The following SRGAP3 variants were observed in gnomAD, a reference collection of about 807,000 sequenced individuals.
SRGAP3 encodes the protein SLIT-ROBO Rho GTPase activating protein 3.
A neutral mutation model predicts 121.1 loss-of-function variants in SRGAP3; 39 were observed. That is an observed-to-expected ratio of 0.32 (90% CI 0.25 to 0.42). SRGAP3 has a LOEUF of 0.42. Among genes scored for constraint, SRGAP3 ranks in the 10% least tolerant of loss-of-function variants. SRGAP3 has a pLI of 1.00. For missense variants in SRGAP3, 1,213 were observed against 1,470.6 expected (o/e 0.82, Z 2.86); for synonymous variants, 601 against 570.0 (o/e 1.05, Z -0.77).
At chr3:9,299,600 T>C (rs1955014188) in intron 3 of SRGAP3, among the ~76,000 whole-genome samples, 1 of 152,090 alleles carries the variant, frequency 6.6e-6, no homozygotes, top group Non-Finnish European at 1.5e-5. Flanking sequence ...ACTGATCATG[T>C]TGCTGCTCTA....
rs534216844 is a variant in SRGAP3, at chr3:9,361,375, A to T, written n.214+1465T>A. ...CACCTCAGCCTCCCAAAGCGCTGGG[A>T]CTACAGGCATGAACCACCACTCCCA... On this transcript the variant is annotated intron_variant and non_coding_transcript_variant, in intron 1 of 3. Transcript: ENST00000490889. Among the ~76,000 whole-genome samples the T allele has an allele frequency of 5.9e-5, 9 of 152,330 alleles. No homozygotes were observed. In the South Asian group the frequency reaches 1.9e-3, roughly 32 times the overall value.
chr3:9,267,665 C>T (rs374920693), intron 3 of SRGAP3, among the ~76,000 whole-genome samples: 20 of 152,296 alleles, frequency 1.3e-4, no homozygotes, highest in South Asian at 6.2e-4. Flanking sequence ...CTGCCAGTCA[C>T]GTAGTCTCAG....
At chr3:9,210,152 A>AGAATC (rs1323973975) in intron 1 of SRGAP3, among the ~76,000 whole-genome samples, 1 of 152,248 alleles carries the variant, frequency 6.6e-6, no homozygotes, top group Non-Finnish European at 1.5e-5. Context: ...GATAAGGATG[A>AGAATC]GAACACGGAG....
intron 1 of SRGAP3, among the ~76,000 whole-genome samples, chr3:9,333,657 T>C (rs1042725190): frequency 3.9e-5 from 6 of 152,174 alleles, no homozygotes; most frequent in African/African-American, 1.4e-4. Context: ...TTCTCAAAGA[T>C]TTCTCTCTTT....
intron 1 of SRGAP3, chr3:9,337,545 A>G (rs1195994409): frequency 2.0e-5 from 3 of 152,206 alleles, no homozygotes; most frequent in Non-Finnish European, 4.4e-5. Flanking sequence ...ATAAAAAAGG[A>G]TAAGTTTGGC....
intron 1 of SRGAP3, among the ~76,000 whole-genome samples, chr3:9,342,623 T>C (rs1394745961): frequency 6.6e-6 from 1 of 152,234 alleles, no homozygotes; most frequent in Non-Finnish European, 1.5e-5. Flanking sequence ...GTGGGCCTGA[T>C]GCCAGTGAAG....
At chr3:9,208,649 C>T (rs1489501681) in intron 1 of SRGAP3, among the ~76,000 whole-genome samples, 1 of 152,144 alleles carries the variant, frequency 6.6e-6, no homozygotes, top group Non-Finnish European at 1.5e-5. Flanking sequence ...TTTTCTAAAG[C>T]CCTGTTGAAA....
rs1953922699 is a variant in SRGAP3, at chr3:9,248,980, G to T, written c.-29C>A. The T allele has an allele frequency of 6.2e-7, 1 of 1,607,960 alleles. No homozygotes were observed. The highest frequency in any genetic ancestry group is 8.5e-7 in the Non-Finnish European group (1 of 1,174,416). On this transcript the variant is annotated 5_prime_UTR_variant, in exon 1 of 22. Coordinates refer to ENST00000383836, the MANE Select transcript of SRGAP3 (RefSeq NM_014850.4). The stretch of plus-strand genomic sequence containing the variant: ...CTGACGTGGCCAAAGGAACTGACAG[G>T]CTGTTTGATTTATTTCTCCTTTTCT...
At chr3:9,286,022 A>C (rs1442686645) in intron 3 of SRGAP3, among the ~76,000 whole-genome samples, 1 of 151,734 alleles carries the variant, frequency 6.6e-6, no homozygotes, top group East Asian at 1.9e-4. Flanking sequence ...TGAAGTGAGT[A>C]GACTGCCTGA....
chr3:9,096,479 T>C (rs1575067837), intron 3 of SRGAP3, among the ~76,000 whole-genome samples: 1 of 152,334 alleles, frequency 6.6e-6, no homozygotes, highest in African/African-American at 2.4e-5. Context: ...TGAACTCTCT[T>C]CAGCAGCAAG....
At chr3:9,318,351 G>A (rs1005177413) in intron 3 of SRGAP3, among the ~76,000 whole-genome samples, 1 of 151,730 alleles carries the variant, frequency 6.6e-6, no homozygotes, top group African/African-American at 2.4e-5. Flanking sequence ...GCTCCACAGG[G>A]CTCCACACAG....
chr3:9,270,307 T>C (rs140017114), intron 3 of SRGAP3, among the ~76,000 whole-genome samples: 7 of 152,296 alleles, frequency 4.6e-5, no homozygotes, highest in Non-Finnish European at 7.3e-5. Flanking sequence ...TCTTTACATA[T>C]ATGTGTATCA....
intron 3 of SRGAP3, among the ~76,000 whole-genome samples, chr3:9,098,256 C>T (rs187238417): frequency 1.3e-5 from 2 of 152,232 alleles, no homozygotes; most frequent in Non-Finnish European, 2.9e-5. Flanking sequence ...GTGTCTGAGT[C>T]GTTTATCTAA....
intron 12 of SRGAP3, among the ~76,000 whole-genome samples, chr3:9,029,239 A>G (rs1444007209): frequency 6.6e-6 from 1 of 152,196 alleles, no homozygotes; most frequent in East Asian, 1.9e-4. Context: ...GAAACATAAC[A>G]TATAGTGGCT....
At chr3:9,268,448 T>C (rs1954410311) in intron 3 of SRGAP3, among the ~76,000 whole-genome samples, 1 of 152,126 alleles carries the variant, frequency 6.6e-6, no homozygotes, top group Non-Finnish European at 1.5e-5. Context: ...AAATTCCGAC[T>C]GAGAGGCTCC....
chr3:9,113,966 A>T (rs1364810717), intron 2 of SRGAP3, among the ~76,000 whole-genome samples: 1 of 152,156 alleles, frequency 6.6e-6, no homozygotes, highest in African/African-American at 2.4e-5. Context: ...GAGGAGTGTG[A>T]GGCTGCCATG....
chr3:9,124,647 C>A, intron 2 of SRGAP3, 78 bp downstream of exon 2: 2 of 1,591,450 alleles, frequency 1.3e-6, no homozygotes, highest in Non-Finnish European at 1.7e-6. Flanking sequence ...TGGCTGGCCT[C>A]CTTTCTGCTT....
chr3:9,353,208 T>C (rs2030293406), intron 1 of SRGAP3, among the ~76,000 whole-genome samples: 1 of 152,274 alleles, frequency 6.6e-6, no homozygotes, highest in South Asian at 2.1e-4. Context: ...CCCTTGTCAG[T>C]GCTCTTTTCG....
chr3:9,251,922 C>G (rs891523887), upstream of SRGAP3, among the ~76,000 whole-genome samples: 7 of 152,148 alleles, frequency 4.6e-5, no homozygotes, highest in Middle Eastern at 3.2e-3. Context: ...GGTAGTGATC[C>G]ACCCATGGCA....
Sources: allele counts gnomAD v4.1 joint callset (sites outside exome capture counted in the v4.1 genomes callset), GRCh38; gene constraint gnomAD v4.1.1; transcripts MANE v1.5; gene names NCBI Gene and HGNC (gene_info 2026-07-23, HGNC 2026-07-21).